SNX18: variants seen among roughly 807,000 people sequenced by gnomAD.
The protein encoded by SNX18 is sorting nexin-18.
Under a neutral mutation model 48.7 loss-of-function variants are expected in SNX18, and 35 were observed. The observed-to-expected ratio is 0.72, with a 90% CI of 0.55 to 0.95. SNX18 has a LOEUF of 0.95. SNX18 is among the 40% of genes least tolerant of loss of function. The pLI is 0.00. For synonymous variants in SNX18, 492 were observed against 384.7 expected (o/e 1.28, Z -3.26); for missense variants, 824 against 871.0 (o/e 0.95, Z 0.68).
the SNX18 span, among the ~76,000 whole-genome samples, chr5:54,588,030 G>T: frequency 3.3e-5 from 5 of 152,046 alleles, no homozygotes; most frequent in Admixed American, 6.6e-5. Flanking sequence ...GACAAGTTGC[G>T]GAAGAAGCCA....
the SNX18 span, among the ~76,000 whole-genome samples, chr5:54,613,255 C>T: frequency 7.2e-5 from 11 of 152,036 alleles, no homozygotes; most frequent in Admixed American, 2.6e-4. Flanking sequence ...CCTGAAACTA[C>T]GTAATTTATA....
At chr5:54,564,494 C>T in the SNX18 span, among the ~76,000 whole-genome samples, 1 of 152,118 alleles carries the variant, frequency 6.6e-6, no homozygotes, top group East Asian at 1.9e-4. Context: ...TGGCTTAAAA[C>T]AGCATAAATG....
the SNX18 span, among the ~76,000 whole-genome samples, chr5:54,572,754 G>GTGTGTATATATATATATATA: frequency 1.6e-4 from 5 of 31,858 alleles, no homozygotes; most frequent in African/African-American, 6.1e-4. Context: ...GTGTGTGTGT[G>GTGTGTATATATATATATATA]TATATATATA....
At chr5:54,602,773 A>G in the SNX18 span, among the ~76,000 whole-genome samples, 1 of 152,136 alleles carries the variant, frequency 6.6e-6, no homozygotes, top group African/African-American at 2.4e-5. Flanking sequence ...TCCTTCCGGG[A>G]TCTTGCCTTA....
At position 54,518,826 on chromosome 5, in the gene SNX18, A is replaced by G; in HGVS notation, c.874A>G (p.Met292Val). ...CACCAAGCAGACCAAGTTCAAGGGC[A>G]TGAAGAGCTACATCTCCTACAAGCT... ...DPTKQTKFKG[M>V]KSYISYKLVP... Residue 292 changes from methionine (M) to valine (V), a missense_variant, in exon 1 of 2, where the codon ATG becomes GTG. By Grantham distance (21) the Met-to-Val change is conservative. Around this residue, in one of 3 missense-constraint regions of SNX18, gnomAD observed 443 missense variants for 503.6 expected, o/e 0.88. Coordinates refer to ENST00000381410, the MANE Select transcript of SNX18 (RefSeq NM_001102575.2). 1 of 1,608,982 alleles carries G rather than the reference A, an allele frequency of 6.2e-7. No homozygotes were observed. Among genetic ancestry groups the G allele is most frequent in the Non-Finnish European group, 8.5e-7 (1 of 1,176,946 alleles).
At chr5:54,597,161 G>A in the SNX18 span, among the ~76,000 whole-genome samples, 26 of 152,134 alleles carry the variant, frequency 1.7e-4, no homozygotes, top group South Asian at 5.0e-3. Context: ...ACAAAGAAGG[G>A]CATTACATAT....
the SNX18 span, among the ~76,000 whole-genome samples, chr5:54,632,014 G>C: frequency 6.6e-6 from 1 of 152,198 alleles, no homozygotes; most frequent in Non-Finnish European, 1.5e-5. Flanking sequence ...GGGGAACAGA[G>C]AGGAGTTCAT....
intron 1 of SNX18, chr5:54,520,724 C>G (rs1762011583): frequency 6.0e-6 from 1 of 167,176 alleles, no homozygotes; most frequent in Non-Finnish European, 1.5e-5. Flanking sequence ...CATTTGGAGA[C>G]AGCAGTCTCG....
intron 1 of SNX18, among the ~76,000 whole-genome samples, chr5:54,522,448 A>G (rs1762049717): frequency 6.6e-6 from 1 of 152,200 alleles, no homozygotes; most frequent in Non-Finnish European, 1.5e-5. Flanking sequence ...TTTAACTATC[A>G]ACCCCATCGT....
chr5:54,595,490 C>T, the SNX18 span, among the ~76,000 whole-genome samples: 3 of 152,340 alleles, frequency 2.0e-5, no homozygotes, highest in South Asian at 4.1e-4. Context: ...CCGCCTCAGC[C>T]TCCCAAAGTG....
the SNX18 span, among the ~76,000 whole-genome samples, chr5:54,563,052 A>T: frequency 6.6e-6 from 1 of 152,218 alleles, no homozygotes; most frequent in Non-Finnish European, 1.5e-5. Flanking sequence ...AAAAGAAAAT[A>T]ATTTTGGACA....
the SNX18 span, among the ~76,000 whole-genome samples, chr5:54,615,066 A>G: frequency 6.6e-6 from 1 of 152,208 alleles, no homozygotes; most frequent in Non-Finnish European, 1.5e-5. Context: ...TGGAAAAAAC[A>G]TTATAGATGG....
chr5:54,539,057 G>A (rs904227416), intron 1 of SNX18, among the ~76,000 whole-genome samples: 2 of 152,012 alleles, frequency 1.3e-5, no homozygotes, highest in African/African-American at 2.4e-5. Flanking sequence ...TTTTTAGACA[G>A]GGTCTCACTT....
At chr5:54,593,734 T>C in the SNX18 span, among the ~76,000 whole-genome samples, 1 of 152,216 alleles carries the variant, frequency 6.6e-6, no homozygotes, top group South Asian at 2.1e-4. Context: ...CTGGGCCCAT[T>C]CATATATTGC....
chr5:54,632,680 G>A, the SNX18 span, among the ~76,000 whole-genome samples: 2 of 152,002 alleles, frequency 1.3e-5, no homozygotes, highest in East Asian at 3.9e-4. Flanking sequence ...GAGGGATGAG[G>A]GGATTTGTTG....
rs868484252 is a variant in SNX18, at chr5:54,519,196, C to A, written c.1244C>A (p.Pro415His). The A allele has an allele frequency of 1.2e-6, 2 of 1,613,982 alleles. No homozygotes were observed. Among genetic ancestry groups the A allele is most frequent in the Non-Finnish European group, 8.5e-7 (1 of 1,179,948 alleles). Residue 415 changes from proline (P) to histidine (H), a missense_variant, in exon 1 of 2, where the codon CCC (proline) becomes CAC (histidine). Transcript: ENST00000381410. The stretch of plus-strand genomic sequence containing the variant: ...TTCTTCCTGACCCTTAGCACGCCCC[C>A]CGCCGCTGCCCTTGACCTGCAGGAG... ...ANFFLTLSTP[P>H]AAALDLQEVE...
rs1438943193 is a variant in SNX18, at chr5:54,518,198, C to T, written c.246C>T (p.Pro82=). The change falls in exon 1 of 2, where the codon CCC becomes CCT. Residue 82 remains proline (P), a synonymous_variant. Transcript: ENST00000381410. ...PGAPARYANV[P]PGGFEPLPVA... ...CCCCGGCCCGCTACGCCAATGTGCC[C>T]CCCGGGGGCTTCGAGCCCCTGCCTG... The T allele has an allele frequency of 2.1e-6, 3 of 1,397,230 alleles. No individual in the cohort carries two copies. The highest frequency in any genetic ancestry group is 3.0e-5 in the East Asian group (1 of 33,098). 86.6% of individuals were successfully genotyped at this position (1,397,230 alleles called of 1,614,324 possible). A position where few individuals can be genotyped will look rare whatever the true frequency, so the allele number is the denominator to read the frequency against.
chr5:54,582,985 T>C, the SNX18 span, among the ~76,000 whole-genome samples: 1 of 152,182 alleles, frequency 6.6e-6, no homozygotes, highest in African/African-American at 2.4e-5. Flanking sequence ...GTATAGCCCA[T>C]AGTCACCTCT....
At chr5:54,550,490 C>T (rs1762633861), downstream of SNX18, among the ~76,000 whole-genome samples, 1 of 151,586 alleles carries the variant, frequency 6.6e-6, no homozygotes. Flanking sequence ...CAGAATTTTC[C>T]TAAGAAAATT....
Sources: gnomAD v4.1 joint callset for allele counts (sites outside exome capture counted in the v4.1 genomes callset) on GRCh38, gnomAD v4.1.1 for gene constraint, gnomAD v4.1.1 regional missense constraint, MANE v1.5 for transcripts, NCBI Gene and HGNC (gene_info 2026-07-23, HGNC 2026-07-21) for gene names.